Variants in GCN1 observed in about 807,000 individuals in gnomAD.
GCN1 encodes the protein GCN1 activator of EIF2AK4, also known as stalled ribosome sensor GCN1.
A neutral mutation model predicts 288.4 loss-of-function variants in GCN1; 90 were observed. The observed-to-expected ratio is 0.31, with a 90% confidence interval of 0.26 to 0.37. The LOEUF (loss-of-function observed/expected upper bound fraction) is 0.37. Ranked by LOEUF, GCN1 falls within the 10% of genes least tolerant of loss-of-function variation. The pLI, the probability that GCN1 is intolerant of heterozygous loss-of-function variation, is 1.00. For synonymous variants in GCN1, 1,386 were observed against 1,420.2 expected, an observed-to-expected ratio of 0.98 and a Z score of 0.54; for missense variants, 2,586 against 3,419.9, an observed-to-expected ratio of 0.76 and a Z score of 6.08.
Position 120,184,095 on chromosome 12 carries a change from C to A in GCN1, c.317+17G>T, listed in dbSNP as rs1006735186. On this transcript the variant is annotated intron_variant, in intron 4 of 57. Transcript: ENST00000300648. The stretch of plus-strand genomic sequence containing the variant: ...GACTGTACCAATTCTCAGGGGGCCA[C>A]AACTTTTACCTCTTACCTGGGAACA... 4 of 1,606,326 alleles carry A rather than the reference C, an allele frequency of 2.5e-6. No individual in the cohort carries two copies. In the Admixed American group the frequency reaches 5.1e-5, roughly 20 times the overall value.
intron 14 of GCN1, among the ~76,000 whole-genome samples, chr12:120,173,123 A>G (rs1336789840): frequency 6.7e-6 from 1 of 148,254 alleles, no homozygotes; most frequent in African/African-American, 2.5e-5. Flanking sequence ...ACAATGGCGC[A>G]ATCTCGGCTC....
intron 38 of GCN1, 92 bp downstream of exon 38, chr12:120,146,960 C>A (rs1335075008): frequency 2.9e-6 from 2 of 688,824 alleles, no homozygotes; most frequent in Non-Finnish European, 4.4e-6. Context: ...ACGTCCATAA[C>A]TTTCCATGTC....
intron 38 of GCN1, 31 bp downstream of exon 38, chr12:120,147,021 T>C (rs1877384954): frequency 1.5e-6 from 2 of 1,356,762 alleles, no homozygotes; most frequent in African/African-American, 2.9e-5. Flanking sequence ...TCTTCTGGTC[T>C]ATCCCACACT....
Position 120,137,853 on chromosome 12 carries a change from C to T in GCN1, c.6394-39G>A. 1 of 1,612,752 alleles carries T rather than the reference C, an allele frequency of 6.2e-7. No homozygotes were observed. The highest frequency in any genetic ancestry group is 1.1e-5 in the South Asian group (1 of 91,056). On this transcript the variant is annotated intron_variant, in intron 48 of 57. Transcript: ENST00000300648. This position sits in a 1 kb window ranked among gnomAD's most constrained non-coding sequence, Gnocchi z 5.2. ...GGGACATGTGTGCTGAGCAGGGATC[C>T]TCCGGGCAGACGGGACATGAGAAAG... is the stretch of plus-strand genomic sequence containing the variant.
chr12:120,156,686 C>T lies in GCN1; in HGVS notation c.3169-82G>A, dbSNP rs1877759386. ...CAGAGAGGGATATGCACTGAGAACA[C>T]CCACCCCTACAGCACTGCAAGGGCT... is the stretch of plus-strand genomic sequence containing the variant. On this transcript the variant is annotated intron_variant, in intron 27 of 57. Coordinates refer to ENST00000300648, the MANE Select transcript of GCN1 (RefSeq NM_006836.2). This position sits in a 1 kb window ranked among gnomAD's most constrained non-coding sequence, Gnocchi z 5.8. 3 of 1,381,884 alleles carry T rather than the reference C, an allele frequency of 2.2e-6. No individual in the cohort carries two copies. The highest frequency in any genetic ancestry group is 2.8e-5 in the African/African-American group (2 of 70,878). 85.6% of individuals were successfully genotyped at this position (1,381,884 alleles called of 1,614,324 possible).
In GCN1 at chr12:120,144,308, G is replaced by A. The variant is rs539859606; in HGVS notation, c.5493C>T (p.Ile1831=). 13 of 1,614,208 alleles carry A rather than the reference G, an allele frequency of 8.1e-6. No individual in the cohort carries two copies. The African/African-American group carries it at 1.6e-4, about 20-fold the overall frequency. The change falls in exon 42 of 58, where the codon ATC becomes ATT. Residue 1831 remains isoleucine (I), a splice_region_variant and synonymous_variant. Transcript: ENST00000300648. This position sits in a 1 kb window ranked among gnomAD's most constrained non-coding sequence, Gnocchi z 4.7. ...EQGLFDDLWR[I]RFSSVQLLGD... ...GGTCTTTCTGCCCAAGTTCTCACCT[G>A]ATTCTCCAAAGGTCATCAAAGAGGC...
chr12:120,138,541 G>A, intron 46 of GCN1, 126 bp from the exon 47 acceptor site: 1 of 1,026,668 alleles, frequency 9.7e-7, no homozygotes, highest in South Asian at 1.4e-5. Flanking sequence ...CACTGCCGAA[G>A]GCGAAGCACA....
At position 120,134,308 on chromosome 12, in the gene GCN1, T is replaced by C; in HGVS notation, c.7300A>G (p.Met2434Val). 1 of 1,613,324 alleles carries C rather than the reference T, an allele frequency of 6.2e-7. No homozygotes were observed. The highest frequency in any genetic ancestry group is 8.5e-7 in the Non-Finnish European group (1 of 1,179,294). ...AGCCGTACCTCATCGTGTCCCAGCATGCTCAGCAGGAGTGAGACGATGTTT... is the reference window on the plus strand; with the variant it reads ...AGCCGTACCTCATCGTGTCCCAGCACGCTCAGCAGGAGTGAGACGATGTTT... The part of the protein sequence containing the change: ...RKNIVSLLLS[M>V]LGHDEDNTRI... The change falls in exon 53 of 58, where the codon ATG (methionine) becomes GTG (valine). Residue 2434 changes from methionine to valine, a missense_variant. Around this residue, in one of 8 missense-constraint regions of GCN1, gnomAD observed 355 missense variants for 431.1 expected, o/e 0.82. Coordinates refer to ENST00000300648, the MANE Select transcript of GCN1 (RefSeq NM_006836.2). The surrounding 1 kb of genome is among the most constrained non-coding windows in gnomAD (Gnocchi z 5.0).
At chr12:120,175,963 G>T in intron 10 of GCN1, 89 bp from the exon 11 acceptor site, 1 of 1,484,750 alleles carries the variant, frequency 6.7e-7, no homozygotes, top group Non-Finnish European at 9.3e-7. Context: ...CATCTCTTCA[G>T]TATTAGCTGT....
chr12:120,171,057 C>G (rs966484399), intron 14 of GCN1, among the ~76,000 whole-genome samples: 2 of 150,094 alleles, frequency 1.3e-5, no homozygotes, highest in Admixed American at 1.3e-4. Context: ...AGGAGAATCG[C>G]TTGAACCCAG....
intron 16 of GCN1, among the ~76,000 whole-genome samples, chr12:120,167,917 A>G (rs1049319090): frequency 2.6e-5 from 4 of 152,072 alleles, no homozygotes; most frequent in Admixed American, 6.6e-5. Flanking sequence ...GCCTTAACAC[A>G]AGAAAACCTC....
At chr12:120,163,643 C>CG (rs1276803278) in intron 18 of GCN1, among the ~76,000 whole-genome samples, 2 of 151,924 alleles carry the variant, frequency 1.3e-5, no homozygotes, top group Non-Finnish European at 2.9e-5. Flanking sequence ...CTCCCTCCGT[C>CG]GGGGGAGACC....
chr12:120,186,361 C>T (rs1433942448), intron 2 of GCN1, among the ~76,000 whole-genome samples: 2 of 149,934 alleles, frequency 1.3e-5, no homozygotes, highest in African/African-American at 2.5e-5. Context: ...GGAGACAGAG[C>T]GAGACTCCAT....
At position 120,156,577 on chromosome 12, in the gene GCN1, G is replaced by A. The variant is rs777052303; in HGVS notation, c.3196C>T (p.Leu1066=). The A allele has an allele frequency of 1.9e-6, 3 of 1,613,972 alleles. No individual in the cohort carries two copies. Among genetic ancestry groups the A allele is most frequent in the Non-Finnish European group, 2.5e-6 (3 of 1,179,886 alleles). ...TCATCACCACTGCTGCTGGCACACAGGGTGGTCAGGGTGTCTGAAGCCAGA... is the reference window on the plus strand; with the variant it reads ...TCATCACCACTGCTGCTGGCACACAAGGTGGTCAGGGTGTCTGAAGCCAGA... ...QVLASDTLTT[L]CASSSGDDGC... Residue 1066 remains leucine (L), a synonymous_variant, in exon 28 of 58, where the codon CTG becomes TTG. Transcript: ENST00000300648. The surrounding 1 kb of genome is among the most constrained non-coding windows in gnomAD (Gnocchi z 5.8).
Position 120,156,463 on chromosome 12 carries a change from G to A in GCN1, c.3310C>T (p.Arg1104Trp), listed in dbSNP as rs769452059. The A allele has an allele frequency of 2.5e-5, 40 of 1,613,454 alleles. No homozygotes were observed. Among genetic ancestry groups the A allele is most frequent in the Admixed American group, 6.7e-5 (4 of 59,986 alleles). ...PCASVRETVL[R>W]GLMELHMVLP... is the part of the protein sequence containing the mutation. ...TGGCTCTGAGACTGAGCACACACCC[G>A]GAGCACGGTTTCCCGCACGCTGGCA... is the stretch of plus-strand genomic sequence containing the variant. Residue 1104 changes from arginine (R) to tryptophan (W), a missense_variant and splice_region_variant, in exon 28 of 58, where the codon CGG becomes TGG. Arg to Trp is a moderately radical substitution (Grantham distance 101, BLOSUM62 -3). This residue lies in a region of GCN1 where 332 missense variants were observed against 403.0 expected (regional missense o/e 0.82). Coordinates refer to ENST00000300648, the MANE Select transcript of GCN1 (RefSeq NM_006836.2). The surrounding 1 kb of genome is among the most constrained non-coding windows in gnomAD (Gnocchi z 5.8).
At position 120,173,008 on chromosome 12, in the gene GCN1, T is replaced by C. The variant is rs564396772; in HGVS notation, c.1366+645A>G. 4.3e-4 allele frequency among the ~76,000 whole-genome samples: 65 copies of C among 151,940 alleles called. No individual in the cohort carries two copies. The South Asian group carries it at 0.013, about 30-fold the overall frequency. On this transcript the variant is annotated intron_variant, in intron 14 of 57. Transcript: ENST00000300648. Reference sequence around the variant, plus strand: ...CTGAAGGAAGGGCGGTGGTCATTTTTAATAAGTCCAGAGTAAAGTTTACAC... The same window carrying C: ...CTGAAGGAAGGGCGGTGGTCATTTTCAATAAGTCCAGAGTAAAGTTTACAC...
chr12:120,188,843 C>T (rs1159350788), intron 2 of GCN1, among the ~76,000 whole-genome samples: 16 of 145,470 alleles, frequency 1.1e-4, no homozygotes, highest in African/African-American at 3.6e-4. Flanking sequence ...AGTGAGACTC[C>T]GTCTCAAAAA....
chr12:120,143,443 G>C (rs919389853), intron 42 of GCN1, among the ~76,000 whole-genome samples: 2 of 152,136 alleles, frequency 1.3e-5, no homozygotes, highest in African/African-American at 2.4e-5. Context: ...TTAGCCAGGC[G>C]TGCTGGCAGG....
chr12:120,194,684 G>A lies in GCN1; in HGVS notation c.14C>T (p.Thr5Met). MAADTQVSETLKRFA... is the reference protein window; with the variant it reads MAADMQVSETLKRFA... ...CCCCGCAGCCGCCCGCCTCACCTGCGTGTCCGCCGCCATCCTGCCGGGGCT... is the reference window on the plus strand; with the variant it reads ...CCCCGCAGCCGCCCGCCTCACCTGCATGTCCGCCGCCATCCTGCCGGGGCT... The change falls in exon 1 of 58, where the codon ACG becomes ATG. Residue 5 changes from threonine (T) to methionine (M), a missense_variant. By Grantham distance (81) the Thr-to-Met change is moderately conservative. Around this residue, in one of 8 missense-constraint regions of GCN1, gnomAD observed 913 missense variants for 1,107.0 expected, o/e 0.82. Transcript: ENST00000300648. The A allele has an allele frequency of 3.3e-6, 5 of 1,513,246 alleles. No individual in the cohort carries two copies. The highest frequency in any genetic ancestry group is 4.4e-6 in the Non-Finnish European group (5 of 1,137,416). 93.7% of individuals were successfully genotyped at this position (1,513,246 alleles called of 1,614,324 possible). A position where few individuals can be genotyped will look rare whatever the true frequency, so the allele number is the denominator to read the frequency against.
Sources: allele counts gnomAD v4.1 joint callset (sites outside exome capture counted in the v4.1 genomes callset), GRCh38; gene constraint gnomAD v4.1.1; regional missense constraint gnomAD v4.1.1; non-coding constraint Gnocchi (gnomAD v3.1); transcripts MANE v1.5; gene names NCBI Gene and HGNC (gene_info 2026-07-23, HGNC 2026-07-21).